Variants in DLC1 observed in about 807,000 individuals in gnomAD.
DLC1 encodes DLC1 Rho GTPase activating protein.
A neutral mutation model predicts 140.3 loss-of-function variants in DLC1; 54 were observed. The ratio of observed to expected loss-of-function variants is 0.38; its 90% CI spans 0.31 to 0.48. DLC1 has a LOEUF of 0.48. DLC1 is among the 20% of genes least tolerant of loss of function. The pLI is 0.96. For missense variants in DLC1, 2,536 were observed against 1,907.0 expected (o/e 1.33, Z -6.14); for synonymous variants, 986 against 728.1 (o/e 1.35, Z -5.70).
At chr8:13,602,840 G>T (rs150968716) in intron 1 of DLC1, among the ~76,000 whole-genome samples, 1 of 151,638 alleles carries the variant, frequency 6.6e-6, no homozygotes, top group African/African-American at 2.4e-5. Context: ...TTTATCCCAC[G>T]TTACTTAAAA....
chr8:13,482,253 T>C (rs1800771271), intron 2 of DLC1, among the ~76,000 whole-genome samples: 1 of 152,208 alleles, frequency 6.6e-6, no homozygotes, highest in Admixed American at 6.5e-5. Context: ...AATATGTATG[T>C]ATATAAATGG....
chr8:13,313,898 G>A (rs758568298), intron 4 of DLC1, among the ~76,000 whole-genome samples: 32 of 151,984 alleles, frequency 2.1e-4, no homozygotes, highest in Non-Finnish European at 4.1e-4. Flanking sequence ...GCTATTACTA[G>A]GTGGGCCTAT....
At chr8:13,228,929 A>G (rs1267550028) in intron 5 of DLC1, among the ~76,000 whole-genome samples, 4 of 152,196 alleles carry the variant, frequency 2.6e-5, no homozygotes, top group Admixed American at 2.6e-4. Flanking sequence ...TAAAAATGAC[A>G]GATTATAACA....
At chr8:13,230,679 C>T (rs918408792) in intron 5 of DLC1, among the ~76,000 whole-genome samples, 2 of 151,064 alleles carry the variant, frequency 1.3e-5, no homozygotes, top group African/African-American at 4.9e-5. Flanking sequence ...TCACTGCAAC[C>T]TCTACCTCCC....
intron 1 of DLC1, among the ~76,000 whole-genome samples, chr8:13,560,960 G>C (rs1804221839): frequency 6.6e-6 from 1 of 152,024 alleles, no homozygotes; most frequent in Non-Finnish European, 1.5e-5. Context: ...AAAGGTCACT[G>C]AGATTATATA....
chr8:13,358,183 T>C (rs1244339050), intron 4 of DLC1, among the ~76,000 whole-genome samples: 5 of 152,226 alleles, frequency 3.3e-5, no homozygotes, highest in Admixed American at 2.6e-4. Flanking sequence ...AAGTCAGAGA[T>C]TCTTACTTAA....
intron 1 of DLC1, among the ~76,000 whole-genome samples, chr8:13,508,130 G>T (rs994218475): frequency 6.6e-6 from 1 of 152,154 alleles, no homozygotes. Context: ...TTACGTCCAG[G>T]TTGCTGCTAT....
At position 13,329,307 on chromosome 8, in the gene DLC1, A is replaced by G. The variant is rs186071559; in HGVS notation, c.1315-24005T>C. 3.3e-4 allele frequency among the ~76,000 whole-genome samples: 50 copies of G among 152,284 alleles called. 1 individual carries two copies. The highest frequency in any genetic ancestry group is 1.2e-3 in the African/African-American group (48 of 41,566). On this transcript the variant is annotated intron_variant, in intron 4 of 17. Coordinates refer to ENST00000276297, the MANE Select transcript of DLC1 (RefSeq NM_182643.3). ...CCAATTTTTTCACGTCAAGACATAC[A>G]TTCATAGAAAATGATAATATTGGTC...
intron 5 of DLC1, among the ~76,000 whole-genome samples, chr8:13,252,913 T>C (rs2117292377): frequency 6.6e-6 from 1 of 152,340 alleles, no homozygotes; most frequent in South Asian, 2.1e-4. Flanking sequence ...CATTAAGTTT[T>C]ATCAAGAACC....
intron 1 of DLC1, chr8:13,584,584 A>G (rs1037638219): frequency 6.6e-6 from 1 of 152,342 alleles, no homozygotes; most frequent in African/African-American, 2.4e-5. Flanking sequence ...ATTGCAAAAC[A>G]GCATGGAACA....
intron 2 of DLC1, among the ~76,000 whole-genome samples, chr8:13,432,942 CTTTTTTTTTTTT>C (rs35776848): frequency 1.1e-5 from 1 of 93,016 alleles, no homozygotes; most frequent in Non-Finnish European, 2.0e-5. Context: ...TCCTCTCTTC[CTTTTTTTTTTTT>C]TTTTTTTTTT....
chr8:13,276,661 G>A, intron 5 of DLC1: 1 of 1,112,512 alleles, frequency 9.0e-7, no homozygotes, highest in Non-Finnish European at 1.1e-6. Flanking sequence ...GCTATCCGGA[G>A]GCGTCTCGCT....
chr8:13,515,731 C>G (rs939232237), upstream of DLC1: 4 of 152,168 alleles, frequency 2.6e-5, no homozygotes, highest in African/African-American at 7.2e-5. Context: ...GGAATTTGGA[C>G]TACCATTTGG....
chr8:13,086,125 C>A, intron 17 of DLC1, 165 bp downstream of exon 17: 2 of 1,314,982 alleles, frequency 1.5e-6, no homozygotes, highest in Non-Finnish European at 2.0e-6. Context: ...ACGAAGTGGT[C>A]GCTGAAAGAC....
At position 13,135,323 on chromosome 8, in the gene DLC1, G is replaced by A. The variant is rs979678479; in HGVS notation, c.1349-19666C>T. Reference sequence around the variant, plus strand: ...AGCCTCCCGAGTAGCTGGGACTACAGGTGCCCGCCACCACACCCAGCTAAT... The same window carrying A: ...AGCCTCCCGAGTAGCTGGGACTACAAGTGCCCGCCACCACACCCAGCTAAT... On this transcript the variant is annotated intron_variant, in intron 5 of 17. Transcript: ENST00000276297. Among the ~76,000 whole-genome samples the A allele has an allele frequency of 3.3e-5, 5 of 151,432 alleles. No homozygotes were observed. In the East Asian group the frequency reaches 7.8e-4, roughly 24 times the overall value.
At chr8:13,182,256 C>G (rs1826084005) in intron 5 of DLC1, among the ~76,000 whole-genome samples, 1 of 151,668 alleles carries the variant, frequency 6.6e-6, no homozygotes, top group Admixed American at 6.6e-5. Flanking sequence ...AAAATTTTCT[C>G]TTATTCTGTA....
Position 13,453,387 on chromosome 8 carries a change from G to GATATATATATATATGTGTGTGTATATAT in DLC1, c.1023+45661_1023+45662insATATATACACACACATATATATATATAT, listed in dbSNP as rs1554522998. Among the ~76,000 whole-genome samples, 4 of 52,454 alleles carry GATATATATATATATGTGTGTGTATATAT rather than the reference G, an allele frequency of 7.6e-5. 1 individual carries two copies. The highest frequency in any genetic ancestry group is 6.0e-4 in the Admixed American group (2 of 3,330). The allele number at this position is 52,454 out of a possible 152,430, so 34.4% of individuals were successfully genotyped here. A position where few individuals can be genotyped will look rare whatever the true frequency, so the allele number is the denominator to read the frequency against. On this transcript the variant is annotated intron_variant, in intron 2 of 17. Transcript: ENST00000276297. Reference sequence around the variant, plus strand: ...TTACTAAAAGAATAAGATGGCCCAGGATATATATATATATGTGTATATATA... The same window carrying GATATATATATATATGTGTGTGTATATAT: ...TTACTAAAAGAATAAGATGGCCCAGGATATATATATATATGTGTGTGTATATATATATATATATATATGTGTATATATA...
At chr8:13,178,519 C>G (rs937577023) in intron 5 of DLC1, among the ~76,000 whole-genome samples, 1 of 150,660 alleles carries the variant, frequency 6.6e-6, no homozygotes, top group African/African-American at 2.5e-5. Flanking sequence ...TTGCAATGAG[C>G]CGAGATTGCA....
chr8:13,292,699 C>T (rs918305722), intron 5 of DLC1, among the ~76,000 whole-genome samples: 5 of 152,088 alleles, frequency 3.3e-5, no homozygotes, highest in African/African-American at 1.2e-4. Context: ...TAGAAAAATG[C>T]TAAGTGATAG....
Sources: allele counts gnomAD v4.1 joint callset (sites outside exome capture counted in the v4.1 genomes callset), GRCh38; gene constraint gnomAD v4.1.1; transcripts MANE v1.5; gene names NCBI Gene and HGNC (gene_info 2026-07-23, HGNC 2026-07-21).